The following SLK variants were observed in gnomAD, a reference collection of about 807,000 sequenced individuals.
SLK encodes the protein STE20-like serine/threonine-protein kinase.
SLK carries 67 observed loss-of-function variants against 147.7 expected under a neutral mutation model. The observed-to-expected ratio is 0.45, with a 90% CI of 0.37 to 0.56. SLK has a LOEUF of 0.56. Ranked by LOEUF, SLK falls within the 20% of genes least tolerant of loss-of-function variation. The pLI is 0.00. For synonymous variants in SLK, 441 were observed against 475.0 expected, an observed-to-expected ratio of 0.93 and a Z score of 0.93; for missense variants, 1,136 against 1,438.8, an observed-to-expected ratio of 0.79 and a Z score of 3.41.
At chr10:104,012,679 T>C (rs990896807) in intron 13 of SLK, among the ~76,000 whole-genome samples, 1 of 152,204 alleles carries the variant, frequency 6.6e-6, no homozygotes, top group Non-Finnish European at 1.5e-5. Flanking sequence ...TTTCACACAC[T>C]GATTCGCTGC....
chr10:104,001,654 G>T, intron 8 of SLK, 82 bp downstream of exon 8: 1 of 1,461,650 alleles, frequency 6.8e-7, no homozygotes, highest in South Asian at 1.2e-5. Flanking sequence ...AAGGATTGAT[G>T]GGTGGCAACG....
intron 2 of SLK, among the ~76,000 whole-genome samples, chr10:103,991,762 CTAAT>C (rs1416508272): frequency 6.6e-6 from 1 of 151,894 alleles, no homozygotes; most frequent in Non-Finnish European, 1.5e-5. Context: ...AGGAAGCTAC[CTAAT>C]TAGTTAAAAA....
chr10:104,006,223 T>C (rs1844324503), intron 11 of SLK, among the ~76,000 whole-genome samples, 188 bp downstream of exon 11: 1 of 152,172 alleles, frequency 6.6e-6, no homozygotes, highest in East Asian at 1.9e-4. Context: ...GATTTATTCT[T>C]TTTTCTTGAA....
intron 13 of SLK, among the ~76,000 whole-genome samples, chr10:104,012,725 T>C (rs940233270): frequency 2.0e-5 from 3 of 152,190 alleles, no homozygotes; most frequent in Non-Finnish European, 2.9e-5. Context: ...TACCTACTTG[T>C]GCTGCAACTT....
chr10:104,012,529 A>G (rs898100220), intron 13 of SLK, among the ~76,000 whole-genome samples: 17 of 152,172 alleles, frequency 1.1e-4, no homozygotes, highest in South Asian at 2.1e-4. Flanking sequence ...ATCTGAGTTA[A>G]TTATCCTTGA....
chr10:104,018,701 T>G, intron 14 of SLK, 83 bp from the exon 15 acceptor site: 1 of 1,400,424 alleles, frequency 7.1e-7, no homozygotes, highest in Non-Finnish European at 9.8e-7. Flanking sequence ...TTTAGAATAC[T>G]TCTATGTAAA....
At chr10:103,975,040 T>C (rs1052528109) in intron 1 of SLK, among the ~76,000 whole-genome samples, 5 of 151,840 alleles carry the variant, frequency 3.3e-5, no homozygotes, top group African/African-American at 1.2e-4. Context: ...CACACTCCTT[T>C]GCTGGTTCTT....
In SLK at chr10:104,003,276, TCACAGCCCACTGAAC is replaced by T; in HGVS notation, c.2100_2114del (p.Thr703_Pro707del). On this transcript the variant is annotated inframe_deletion, in exon 9 of 19. Transcript: ENST00000369755. The stretch of plus-strand genomic sequence containing the variant: ...AAAAGAGCCTGAAGTTACTGTAGTT[TCACAGCCCACTGAAC>T]CTCAGCCTGTTCTAATACCCAGTAT... 1 of 1,613,978 alleles carries T rather than the reference TCACAGCCCACTGAAC, an allele frequency of 6.2e-7. No homozygotes were observed. Among genetic ancestry groups the T allele is most frequent in the Non-Finnish European group, 8.5e-7 (1 of 1,179,964 alleles).
intron 1 of SLK, 133 bp downstream of exon 1, chr10:103,968,028 T>A (rs973165372): frequency 8.7e-6 from 8 of 915,304 alleles, no homozygotes; most frequent in Admixed American, 2.8e-5. Context: ...GCAACTTTAC[T>A]TGGCTGATCA....
intron 8 of SLK, 54 bp from the exon 9 acceptor site, chr10:104,002,118 T>A (rs987501698): frequency 2.3e-6 from 3 of 1,324,940 alleles, no homozygotes; most frequent in African/African-American, 2.9e-5. Flanking sequence ...AAACATTGTT[T>A]TGGTCACTCT....
intron 3 of SLK, 27 bp from the exon 4 acceptor site, chr10:103,992,957 A>T: frequency 8.0e-7 from 1 of 1,257,544 alleles, no homozygotes. Flanking sequence ...TAAAAAGCAG[A>T]TTTTTTTTTT....
In SLK at chr10:104,003,284, C is replaced by T. The variant is rs1265596388; in HGVS notation, c.2106C>T (p.Pro702=). The T allele has an allele frequency of 5.0e-6, 8 of 1,613,914 alleles. No homozygotes were observed. The highest frequency in any genetic ancestry group is 4.0e-5 in the African/African-American group (3 of 74,914). Residue 702 remains proline, a synonymous_variant, in exon 9 of 19, where the codon CCC becomes CCT. Transcript: ENST00000369755. ...CTGAAGTTACTGTAGTTTCACAGCCCACTGAACCTCAGCCTGTTCTAATAC... is the reference window on the plus strand; with the variant it reads ...CTGAAGTTACTGTAGTTTCACAGCCTACTGAACCTCAGCCTGTTCTAATAC... ...KEPEVTVVSQ[P]TEPQPVLIPS... is the part of the protein sequence containing the mutation.
chr10:104,026,243 C>T lies in SLK; in HGVS notation c.*523C>T, dbSNP rs1441879959. ...TATTTTTTTCTTTAAATAGGAACAACCTCTTTTAAAAGAGAAAAATTATTT... is the reference window on the plus strand; with the variant it reads ...TATTTTTTTCTTTAAATAGGAACAATCTCTTTTAAAAGAGAAAAATTATTT... On this transcript the variant is annotated 3_prime_UTR_variant, in exon 19 of 19. Coordinates refer to ENST00000369755, the MANE Select transcript of SLK (RefSeq NM_014720.4). 6.6e-6 allele frequency: 1 copy of T among 152,554 alleles called. No homozygotes were observed. The highest frequency in any genetic ancestry group is 1.5e-5 in the Non-Finnish European group (1 of 68,016). 9.5% of individuals were successfully genotyped at this position (152,554 alleles called of 1,614,324 possible). A position where few individuals can be genotyped will look rare whatever the true frequency, so the allele number is the denominator to read the frequency against.
In SLK at chr10:104,002,268, T is replaced by C; in HGVS notation, c.1090T>C (p.Ser364Pro). 1 of 1,613,444 alleles carries C rather than the reference T, an allele frequency of 6.2e-7. No homozygotes were observed. The highest frequency in any genetic ancestry group is 8.5e-7 in the Non-Finnish European group (1 of 1,179,550). The part of the protein sequence containing the change: ...SQNACILESV[S>P]EKTERSNSED... ...AAATGCTTGTATTTTGGAGTCTGTC[T>C]CAGAAAAAACAGAACGTAGTAACTC... The change falls in exon 9 of 19, where the codon TCA becomes CCA. Residue 364 changes from serine to proline, a missense_variant. Physicochemically the swap from Ser to Pro is moderately conservative, Grantham distance 74. Coordinates refer to ENST00000369755, the MANE Select transcript of SLK (RefSeq NM_014720.4).
intron 12 of SLK, among the ~76,000 whole-genome samples, chr10:104,009,079 G>T (rs1317157288): frequency 7.0e-6 from 1 of 142,618 alleles, no homozygotes; most frequent in African/African-American, 2.7e-5. Context: ...TCAGAAGGAA[G>T]ATTTACTTAT....
intron 1 of SLK, among the ~76,000 whole-genome samples, chr10:103,969,552 G>T (rs1426363586): frequency 1.3e-5 from 2 of 152,220 alleles, no homozygotes; most frequent in African/African-American, 4.8e-5. Context: ...TGAAATGAAA[G>T]AATGTGTTTT....
rs561458285 is a variant in SLK at position 103,985,641 on chromosome 10, A to G, written c.151-5034A>G. 2.4e-3 allele frequency among the ~76,000 whole-genome samples: 367 copies of G among 152,236 alleles called. 2 individuals are homozygous for G. The highest frequency in any genetic ancestry group is 4.0e-3 in the Non-Finnish European group (269 of 68,000). On this transcript the variant is annotated intron_variant, in intron 1 of 18. Coordinates refer to ENST00000369755, the MANE Select transcript of SLK (RefSeq NM_014720.4). ...TTTGTTTGTTTGCCTTTGATTGACTAACACCTCTGTGGGACTGAAATCATC... is the reference window on the plus strand; with the variant it reads ...TTTGTTTGTTTGCCTTTGATTGACTGACACCTCTGTGGGACTGAAATCATC...
In SLK at chr10:104,003,544, C is replaced by A; in HGVS notation, c.2349+17C>A. 3 of 1,516,018 alleles carry A rather than the reference C, an allele frequency of 2.0e-6. No individual in the cohort carries two copies. In the South Asian group the frequency reaches 4.1e-5, roughly 21 times the overall value. 93.9% of individuals were successfully genotyped at this position (1,516,018 alleles called of 1,614,324 possible). ...TCTTTACAAGTAAGTGTACATGAGT[C>A]ATTGTTTGGGTTTTCCTTTGCCATT... is the stretch of plus-strand genomic sequence containing the variant. On this transcript the variant is annotated intron_variant, in intron 9 of 18. Transcript: ENST00000369755.
In SLK at chr10:103,992,631, G is replaced by A. The variant is rs11191893; in HGVS notation, c.349G>A (p.Asp117Asn). 1 of 1,042,096 alleles carries A rather than the reference G, an allele frequency of 9.6e-7. No individual in the cohort carries two copies. The highest frequency in any genetic ancestry group is 1.3e-6 in the Non-Finnish European group (1 of 796,238). The allele number at this position is 1,042,096 out of a possible 1,614,324, so 64.6% of individuals were successfully genotyped here. ...LIEFCAGGAV[D>N]AVMLELERPL... The stretch of plus-strand genomic sequence containing the variant: ...TGAATTTTGTGCAGGTGGAGCAGTA[G>A]ATGCTGTGATGCTTGGTAAATACCT... The change falls in exon 3 of 19, where the codon GAT becomes AAT. Residue 117 changes from aspartate (D) to asparagine (N), a missense_variant. Physicochemically the swap from Asp to Asn is conservative, Grantham distance 23. This residue lies in a region of SLK where 126 missense variants were observed against 141.3 expected (regional missense o/e 0.89). Coordinates refer to ENST00000369755, the MANE Select transcript of SLK (RefSeq NM_014720.4).
Sources: allele counts gnomAD v4.1 joint callset (sites outside exome capture counted in the v4.1 genomes callset), GRCh38; gene constraint gnomAD v4.1.1; regional missense constraint gnomAD v4.1.1; transcripts MANE v1.5; gene names NCBI Gene and HGNC (gene_info 2026-07-23, HGNC 2026-07-21).